The following RABEP1 variants were observed in gnomAD, a reference collection of about 807,000 sequenced individuals.
RABEP1 encodes the protein rab GTPase-binding effector protein 1.
RABEP1 carries 51 observed loss-of-function variants against 123.4 expected under a neutral mutation model. The ratio of observed to expected loss-of-function variants is 0.41; its 90% CI spans 0.33 to 0.52. RABEP1 has a LOEUF of 0.52. Ranked by LOEUF, RABEP1 falls within the 20% of genes least tolerant of loss-of-function variation. RABEP1 has a pLI of 0.16. For missense variants in RABEP1, 888 were observed against 996.3 expected, an observed-to-expected ratio of 0.89 and a Z score of 1.46; for synonymous variants, 347 against 355.2, an observed-to-expected ratio of 0.98 and a Z score of 0.26.
At chr17:5,340,912 C>T (rs1907543763) in intron 5 of RABEP1, among the ~76,000 whole-genome samples, 1 of 146,850 alleles carries the variant, frequency 6.8e-6, no homozygotes, top group Non-Finnish European at 1.5e-5. Context: ...CTTGCCATTG[C>T]ACTCCAGCCT....
chr17:5,307,884 G>T (rs935614958), intron 1 of RABEP1, among the ~76,000 whole-genome samples: 8 of 152,158 alleles, frequency 5.3e-5, no homozygotes, highest in African/African-American at 1.9e-4. Flanking sequence ...CTATGAATGG[G>T]TTTTTGATTA....
intron 2 of RABEP1, among the ~76,000 whole-genome samples, chr17:5,330,123 A>G (rs924620785): frequency 2.0e-5 from 3 of 152,194 alleles, no homozygotes; most frequent in Non-Finnish European, 2.9e-5. Flanking sequence ...TTCACATTTT[A>G]TGAAACAGTT....
intron 2 of RABEP1, among the ~76,000 whole-genome samples, chr17:5,312,086 G>A (rs1484931890): frequency 1.3e-5 from 2 of 152,182 alleles, no homozygotes; most frequent in Non-Finnish European, 2.9e-5. Context: ...GCGTCCACCT[G>A]ACTTGCCAAA....
chr17:5,302,244 A>ATTTTT lies in RABEP1; in HGVS notation c.35-6440_35-6436dup, dbSNP rs57770310. ...GATTTAGGGGAATGTTACTGAAAAC[A>ATTTTT]TTTTTTTTTTTTTTGAGATGGAGTC... On this transcript the variant is annotated intron_variant, in intron 1 of 17. Coordinates refer to ENST00000537505, the MANE Select transcript of RABEP1 (RefSeq NM_004703.6). Among the ~76,000 whole-genome samples the ATTTTT allele has an allele frequency of 8.4e-5, 10 of 118,406 alleles. 1 individual carries two copies. The highest frequency in any genetic ancestry group is 3.7e-4 in the African/African-American group (10 of 27,390). The allele number at this position is 118,406 out of a possible 152,430, so 77.7% of individuals were successfully genotyped here.
At chr17:5,365,070 A>T in intron 10 of RABEP1, 52 bp from the exon 11 acceptor site, 1 of 1,277,314 alleles carries the variant, frequency 7.8e-7, no homozygotes. Flanking sequence ...TTAAAAAAAA[A>T]AAAATTATAA....
intron 1 of RABEP1, among the ~76,000 whole-genome samples, chr17:5,289,251 C>G (rs1289489768): frequency 6.7e-6 from 1 of 148,702 alleles, no homozygotes; most frequent in African/African-American, 2.5e-5. Context: ...ATATCTGTTT[C>G]CCATTTTTCC....
chr17:5,326,257 G>T (rs541563769), intron 2 of RABEP1, among the ~76,000 whole-genome samples: 1 of 152,236 alleles, frequency 6.6e-6, no homozygotes, highest in African/African-American at 2.4e-5. Flanking sequence ...CCTTCAATAG[G>T]TTAATGGATG....
In RABEP1 at chr17:5,332,100, A is replaced by G; in HGVS notation, c.315A>G (p.Glu105=). The G allele has an allele frequency of 6.2e-7, 1 of 1,614,164 alleles. No homozygotes were observed. The highest frequency in any genetic ancestry group is 8.5e-7 in the Non-Finnish European group (1 of 1,180,026). Reference sequence around the variant, plus strand: ...ACACCAAGCAAGAAGCTATAGATGAAGTGAAAAGACAGTGGAGAGAAGAAG... The same window carrying G: ...ACACCAAGCAAGAAGCTATAGATGAGGTGAAAAGACAGTGGAGAGAAGAAG... The part of the protein sequence containing the change: ...SENTKQEAID[E]VKRQWREEVA... The change falls in exon 3 of 18, where the codon GAA becomes GAG. Residue 105 remains glutamate (E), a synonymous_variant. Coordinates refer to ENST00000537505, the MANE Select transcript of RABEP1 (RefSeq NM_004703.6).
At chr17:5,345,935 T>A (rs1172342019) in intron 5 of RABEP1, among the ~76,000 whole-genome samples, 2 of 151,898 alleles carry the variant, frequency 1.3e-5, no homozygotes, top group East Asian at 1.9e-4. Flanking sequence ...AGTGACGTAA[T>A]CCTTGATTTT....
At chr17:5,323,193 G>T (rs907302808) in intron 2 of RABEP1, among the ~76,000 whole-genome samples, 1 of 152,034 alleles carries the variant, frequency 6.6e-6, no homozygotes, top group Non-Finnish European at 1.5e-5. Flanking sequence ...ATTGTGTGTC[G>T]AAGGAACATA....
intron 1 of RABEP1, among the ~76,000 whole-genome samples, chr17:5,297,973 G>C (rs1393296290): frequency 6.6e-6 from 1 of 152,176 alleles, no homozygotes. Context: ...CTTTCCTTAA[G>C]ACTTCTCTTT....
chr17:5,346,371 G>A (rs1164186091), intron 5 of RABEP1, among the ~76,000 whole-genome samples: 2 of 152,144 alleles, frequency 1.3e-5, no homozygotes. Context: ...CTCACCAGAA[G>A]TAAAAGGAAA....
In RABEP1 at chr17:5,367,587, T is replaced by A. The variant is rs569274255; in HGVS notation, c.1786-783T>A. On this transcript the variant is annotated intron_variant, in intron 11 of 17. Coordinates refer to ENST00000537505, the MANE Select transcript of RABEP1 (RefSeq NM_004703.6). The stretch of plus-strand genomic sequence containing the variant: ...CCCAGCCAAGGGTAAAACTTTTTTT[T>A]AAAAAAAGTATGGATAGCCAATTTC... Among the ~76,000 whole-genome samples the A allele has an allele frequency of 9.9e-5, 15 of 151,000 alleles. No individual in the cohort carries two copies. The South Asian group carries it at 1.9e-3, about 20-fold the overall frequency.
At position 5,340,450 on chromosome 17, in the gene RABEP1, C is replaced by T. The variant is rs76272119; in HGVS notation, c.648+2312C>T. 1.8e-4 allele frequency among the ~76,000 whole-genome samples: 27 copies of T among 151,962 alleles called. No homozygotes were observed. The East Asian group carries it at 5.0e-3, about 28-fold the overall frequency. On this transcript the variant is annotated intron_variant, in intron 5 of 17. Coordinates refer to ENST00000537505, the MANE Select transcript of RABEP1 (RefSeq NM_004703.6). ...TACCTATAAACCTTTAGGATAGTAC[C>T]TGGGACAAGGTATAGTTATTTTTAG... is the stretch of plus-strand genomic sequence containing the variant.
At chr17:5,345,273 C>T (rs1205394920) in intron 5 of RABEP1, among the ~76,000 whole-genome samples, 3 of 152,152 alleles carry the variant, frequency 2.0e-5, no homozygotes, top group Non-Finnish European at 2.9e-5. Context: ...GTATTTTCTC[C>T]TGCATAGATC....
chr17:5,339,499 ACT>A (rs1907388978), intron 5 of RABEP1, among the ~76,000 whole-genome samples: 1 of 152,098 alleles, frequency 6.6e-6, no homozygotes, highest in African/African-American at 2.4e-5. Flanking sequence ...ATAGAGTGAG[ACT>A]CTGTCTTAAA....
rs184154292 is a variant in RABEP1, at chr17:5,351,438, T to C, written c.963+809T>C. Among the ~76,000 whole-genome samples, 8 of 152,332 alleles carry C rather than the reference T, an allele frequency of 5.3e-5. No individual in the cohort carries two copies. In the East Asian group the frequency reaches 1.5e-3, roughly 29 times the overall value. Reference sequence around the variant, plus strand: ...GGTAGAGAGCCTTCTAAACCAGTTCTGTGTGTTTATGATATACATTTAGGG... The same window carrying C: ...GGTAGAGAGCCTTCTAAACCAGTTCCGTGTGTTTATGATATACATTTAGGG... On this transcript the variant is annotated intron_variant, in intron 7 of 17. Transcript: ENST00000537505.
At chr17:5,307,402 A>G (rs1040582766) in intron 1 of RABEP1, among the ~76,000 whole-genome samples, 3 of 152,162 alleles carry the variant, frequency 2.0e-5, no homozygotes, top group Non-Finnish European at 2.9e-5. Flanking sequence ...CTTTTTTTCT[A>G]TACATTTTAA....
At chr17:5,308,625 A>G in intron 1 of RABEP1, 69 bp from the exon 2 acceptor site, 1 of 1,405,846 alleles carries the variant, frequency 7.1e-7, no homozygotes, top group Admixed American at 2.1e-5. Flanking sequence ...CAGCTAGAAT[A>G]CTAATTTACT....
Sources: allele counts gnomAD v4.1 joint callset (sites outside exome capture counted in the v4.1 genomes callset), GRCh38; gene constraint gnomAD v4.1.1; transcripts MANE v1.5; gene names NCBI Gene and HGNC (gene_info 2026-07-23, HGNC 2026-07-21).